Variants in GPM6B observed in about 807,000 individuals in gnomAD.
The protein encoded by GPM6B is neuronal membrane glycoprotein M6-b.
GPM6B carries 4 observed loss-of-function variants against 27.2 expected under a neutral mutation model. The ratio of observed to expected loss-of-function variants is 0.15; its 90% CI spans 0.07 to 0.34. GPM6B has a LOEUF of 0.34. Ranked by LOEUF, GPM6B falls within the 10% of genes least tolerant of loss-of-function variation. The pLI is 1.00. For synonymous variants in GPM6B, 124 were observed against 103.1 expected, an observed-to-expected ratio of 1.20 and a Z score of -1.23; for missense variants, 183 against 261.9, an observed-to-expected ratio of 0.70 and a Z score of 2.08.
chrX:13,840,409 G>A (rs931560649), intron 1 of GPM6B, among the ~76,000 whole-genome samples: 4 of 111,375 alleles, frequency 3.6e-5, no homozygotes, highest in Admixed American at 9.5e-5. Flanking sequence ...TGCGGGCTCC[G>A]GGAAGGCTGA....
chrX:13,810,859 A>G (rs2049118365), intron 1 of GPM6B, among the ~76,000 whole-genome samples: 1 of 111,742 alleles, frequency 8.9e-6, no homozygotes, highest in African/African-American at 3.3e-5. Flanking sequence ...CCTTTTTACA[A>G]CAGTAAATCT....
At chrX:13,810,558 T>C (rs1440915278) in intron 1 of GPM6B, among the ~76,000 whole-genome samples, 1 of 110,701 alleles carries the variant, frequency 9.0e-6, no homozygotes, top group Non-Finnish European at 1.9e-5. Flanking sequence ...ATTCAGGGTA[T>C]CTCTGCAGAA....
At chrX:13,846,810 T>G (rs1395065693) in intron 1 of GPM6B, among the ~76,000 whole-genome samples, 1 of 105,453 alleles carries the variant, frequency 9.5e-6, no homozygotes, top group Non-Finnish European at 1.9e-5. Flanking sequence ...TTTTTTTTTT[T>G]AAACTTTTTC....
chrX:13,892,834 T>C (rs1257819239), intron 1 of GPM6B, among the ~76,000 whole-genome samples: 1 of 112,046 alleles, frequency 8.9e-6, no homozygotes, highest in East Asian at 2.8e-4. Context: ...GCAGGAGTAC[T>C]GAGGTCAGGA....
intron 1 of GPM6B, chrX:13,889,345 G>GTTT (rs2050167722): frequency 8.9e-6 from 1 of 111,815 alleles, no homozygotes. Context: ...TGTACTAGTA[G>GTTT]TAAAACCACC....
At chrX:13,781,469 G>A (rs1259523651) in intron 4 of GPM6B, among the ~76,000 whole-genome samples, 2 of 111,834 alleles carry the variant, frequency 1.8e-5, no homozygotes, top group Non-Finnish European at 3.8e-5. Context: ...GTGGACAAAG[G>A]ACAGAGCTCA....
At chrX:13,884,553 G>C (rs942933522) in intron 1 of GPM6B, among the ~76,000 whole-genome samples, 11 of 112,247 alleles carry the variant, frequency 9.8e-5, no homozygotes, top group African/African-American at 3.2e-4. Context: ...GAAATAAAGA[G>C]AAAATGTTTT....
intron 1 of GPM6B, among the ~76,000 whole-genome samples, chrX:13,909,120 CTTTTTTTT>C (rs368081524): frequency 2.9e-5 from 2 of 69,860 alleles, no homozygotes; most frequent in Admixed American, 1.9e-4. Flanking sequence ...TGTTCATATC[CTTTTTTTT>C]TTTTTTTTTT....
intron 1 of GPM6B, among the ~76,000 whole-genome samples, chrX:13,917,438 G>C (rs745392092): frequency 4.5e-5 from 5 of 112,159 alleles, no homozygotes; most frequent in Non-Finnish European, 9.4e-5. Flanking sequence ...AGCAAATTAT[G>C]AACACAGGTT....
intron 2 of GPM6B, among the ~76,000 whole-genome samples, chrX:13,802,185 C>G (rs1357391115): frequency 9.0e-6 from 1 of 111,016 alleles, no homozygotes; most frequent in Non-Finnish European, 1.9e-5. Flanking sequence ...ACATAAGGGA[C>G]ATTTCAAAGG....
intron 1 of GPM6B, among the ~76,000 whole-genome samples, chrX:13,890,946 G>T (rs924955645): frequency 1.8e-5 from 2 of 110,578 alleles, no homozygotes; most frequent in African/African-American, 6.6e-5. Context: ...CATCTGAGGC[G>T]TTTAAAAAAC....
chrX:13,859,649 G>A (rs755981603), intron 1 of GPM6B, among the ~76,000 whole-genome samples: 3 of 110,061 alleles, frequency 2.7e-5, no homozygotes, highest in Admixed American at 9.7e-5. Context: ...CCTAAGAGAT[G>A]GATAGTTTTT....
At chrX:13,852,791 A>T (rs868442168) in intron 1 of GPM6B, among the ~76,000 whole-genome samples, 5 of 31,996 alleles carry the variant, frequency 1.6e-4, no homozygotes, top group South Asian at 2.2e-3. Context: ...TTTTTTTTTT[A>T]AAGACTGGGT....
chrX:13,836,459 G>A (rs1189484923), intron 1 of GPM6B, among the ~76,000 whole-genome samples: 2 of 112,411 alleles, frequency 1.8e-5, no homozygotes, highest in African/African-American at 6.5e-5. Context: ...ATCCAATGAA[G>A]TTCTGTGGAT....
intron 1 of GPM6B, among the ~76,000 whole-genome samples, chrX:13,876,311 T>C (rs2050032726): frequency 8.9e-6 from 1 of 112,317 alleles, no homozygotes; most frequent in South Asian, 3.8e-4. Context: ...AATAAGTGTA[T>C]TAATATGTCC....
intron 1 of GPM6B, among the ~76,000 whole-genome samples, chrX:13,825,045 G>A (rs571302039): frequency 8.9e-6 from 1 of 112,070 alleles, no homozygotes; most frequent in African/African-American, 3.2e-5. Flanking sequence ...GTGTATGTCT[G>A]TGTCTCTTCT....
intron 1 of GPM6B, among the ~76,000 whole-genome samples, chrX:13,910,152 C>A (rs980338960): frequency 7.1e-5 from 8 of 112,304 alleles, no homozygotes; most frequent in Non-Finnish European, 1.3e-4. Context: ...CCCCCTTAAC[C>A]GGCAATGTTT....
chrX:13,782,072 CCAAGGCAGGTCAG>C (rs772863845), intron 4 of GPM6B, among the ~76,000 whole-genome samples: 20 of 111,907 alleles, frequency 1.8e-4, no homozygotes, highest in African/African-American at 6.5e-4. Flanking sequence ...CTCACACCCT[CCAAGGCAGGTCAG>C]CATTGTGATC....
chrX:13,807,508 G>T, intron 2 of GPM6B, 142 bp downstream of exon 2: 1 of 424,064 alleles, frequency 2.4e-6, no homozygotes, highest in African/African-American at 2.4e-5. Context: ...ATGTTTATAG[G>T]GCGAATTCCA....
Sources: allele counts gnomAD v4.1 joint callset (sites outside exome capture counted in the v4.1 genomes callset), GRCh38; gene constraint gnomAD v4.1.1; transcripts MANE v1.5; gene names NCBI Gene and HGNC (gene_info 2026-07-23, HGNC 2026-07-21).